PECR: variants seen among roughly 807,000 people sequenced by gnomAD.
The protein encoded by PECR is peroxisomal trans-2-enoyl-CoA reductase, also known as 2,4-dienoyl-CoA reductase-related protein.
Under a neutral mutation model 35.3 loss-of-function variants are expected in PECR, and 30 were observed. The ratio of observed to expected loss-of-function variants is 0.85; its 90% CI spans 0.64 to 1.15. PECR has a LOEUF of 1.15. Among genes scored for constraint, PECR ranks in the 50% most tolerant of loss-of-function variants. PECR has a pLI of 0.00. For synonymous variants in PECR, 148 were observed against 138.9 expected (o/e 1.07, Z -0.46); for missense variants, 392 against 370.8 (o/e 1.06, Z -0.47).
intron 6 of PECR, 62 bp downstream of exon 6, chr2:216,049,201 G>T: frequency 1.2e-6 from 1 of 849,002 alleles, no homozygotes; most frequent in South Asian, 1.3e-5. Context: ...AAATGACACT[G>T]AATTACAAAT....
At chr2:216,033,912 G>T (rs988832898), downstream of PECR, 5 of 152,124 alleles carry the variant, frequency 3.3e-5, no homozygotes, top group South Asian at 4.1e-4. Context: ...CTAGAGATTT[G>T]GCTGTCTTAA....
chr2:216,070,072 T>C (rs1398351010), intron 1 of PECR, among the ~76,000 whole-genome samples: 1 of 152,168 alleles, frequency 6.6e-6, no homozygotes, highest in Non-Finnish European at 1.5e-5. Flanking sequence ...GCTTGCTCTA[T>C]ATCATAAGGT....
chr2:216,030,994 ACT>A (rs1313160136), intron 7 of PECR, among the ~76,000 whole-genome samples: 3 of 146,576 alleles, frequency 2.0e-5, no homozygotes, highest in Non-Finnish European at 3.0e-5. Flanking sequence ...ACACACACAC[ACT>A]CTGTCCCTGC....
chr2:216,067,017 T>TG (rs1276579646), intron 1 of PECR, among the ~76,000 whole-genome samples: 5 of 152,142 alleles, frequency 3.3e-5, no homozygotes, highest in African/African-American at 1.2e-4. Flanking sequence ...TAGCACTGGA[T>TG]GGTCATCTCT....
At chr2:216,031,128 C>T (rs1475314835) in intron 7 of PECR, among the ~76,000 whole-genome samples, 1 of 151,950 alleles carries the variant, frequency 6.6e-6, no homozygotes, top group Non-Finnish European at 1.5e-5. Context: ...TTGCATAGGC[C>T]AGACATGGTG....
At chr2:216,035,678 G>T (rs779442158), downstream of PECR, among the ~76,000 whole-genome samples, 77 of 152,018 alleles carry the variant, frequency 5.1e-4, no homozygotes, top group Non-Finnish European at 8.4e-4. Context: ...ATAGAGACGG[G>T]GTTTCACCAT....
intron 4 of PECR, among the ~76,000 whole-genome samples, chr2:216,053,410 G>GT (rs1314977519): frequency 6.6e-6 from 1 of 151,692 alleles, no homozygotes; most frequent in East Asian, 1.9e-4. Context: ...TGCCCAGCTA[G>GT]TTTTTTGTAT....
chr2:216,062,045 G>A (rs1835147), intron 3 of PECR, among the ~76,000 whole-genome samples: 18,137 of 150,246 alleles, frequency 0.12, 1,661 homozygotes, highest in African/African-American at 0.24. Flanking sequence ...ATGTTAGTGC[G>A]TGGTGAATTT....
chr2:216,077,507 C>CA lies in PECR; in HGVS notation c.124+4110dup, dbSNP rs1158118603. Among the ~76,000 whole-genome samples, 296 of 138,872 alleles carry CA rather than the reference C, an allele frequency of 2.1e-3. 1 individual carries two copies. Among genetic ancestry groups the CA allele is most frequent in the African/African-American group, 6.2e-3 (231 of 37,264 alleles). The allele number at this position is 138,872 out of a possible 152,430, so 91.1% of individuals were successfully genotyped here. A position where few individuals can be genotyped will look rare whatever the true frequency, so the allele number is the denominator to read the frequency against. On this transcript the variant is annotated intron_variant, in intron 1 of 7. Coordinates refer to ENST00000265322, the MANE Select transcript of PECR (RefSeq NM_018441.6). ...GGGTGACAGAGCAAGACCTCCATCT[C>CA]AAAAAAAAATACATGCAGGGCCGGG... is the stretch of plus-strand genomic sequence containing the variant.
chr2:216,055,722 C>T (rs2105954306), intron 4 of PECR, among the ~76,000 whole-genome samples: 1 of 152,264 alleles, frequency 6.6e-6, no homozygotes, highest in East Asian at 1.9e-4. Context: ...AGCCCCAGAG[C>T]CCCAGGGCCA....
intron 1 of PECR, among the ~76,000 whole-genome samples, chr2:216,078,211 G>A (rs1037332183): frequency 3.0e-4 from 45 of 152,002 alleles, no homozygotes; most frequent in Non-Finnish European, 2.6e-4. Context: ...AGGCTGAGGC[G>A]GGCAGATCAC....
intron 3 of PECR, among the ~76,000 whole-genome samples, chr2:216,062,745 C>A (rs377633096): frequency 6.6e-5 from 10 of 152,262 alleles, no homozygotes; most frequent in Admixed American, 2.6e-4. Flanking sequence ...AGTCATGTGT[C>A]ACAACAATGT....
At chr2:216,065,211 A>C (rs1009749533) in intron 3 of PECR, 101 bp downstream of exon 3, 9 of 831,582 alleles carry the variant, frequency 1.1e-5, no homozygotes, top group Non-Finnish European at 1.7e-5. Context: ...GAGAAAATCC[A>C]GCCAATAAAT....
At chr2:216,056,194 C>G (rs1695222599) in intron 4 of PECR, among the ~76,000 whole-genome samples, 1 of 151,962 alleles carries the variant, frequency 6.6e-6, no homozygotes, top group South Asian at 2.1e-4. Flanking sequence ...CTGTACTGGT[C>G]AAGTAAACAA....
intron 1 of PECR, 143 bp downstream of exon 1, chr2:216,081,474 TG>T: frequency 1.0e-6 from 1 of 957,330 alleles, no homozygotes; most frequent in Non-Finnish European, 1.7e-6. Context: ...GTCTCCCTGG[TG>T]GTCGTAATTT....
chr2:216,056,615 G>A (rs1695229896), intron 4 of PECR, among the ~76,000 whole-genome samples: 1 of 151,554 alleles, frequency 6.6e-6, no homozygotes, highest in African/African-American at 2.4e-5. Context: ...CAGCTACTCA[G>A]GAGGCTGAGG....
chr2:216,045,644 A>T lies in PECR; in HGVS notation c.715-1629T>A, dbSNP rs191194700. The stretch of plus-strand genomic sequence containing the variant: ...GCTGGTATAGAATTCACTATTTAAA[A>T]GGTCCCACATTACTGTGAAAAGGCA... On this transcript the variant is annotated intron_variant, in intron 6 of 7. Coordinates refer to ENST00000265322, the MANE Select transcript of PECR (RefSeq NM_018441.6). Among the ~76,000 whole-genome samples the T allele has an allele frequency of 2.0e-5, 3 of 152,378 alleles. 1 individual carries two copies. The highest frequency in any genetic ancestry group is 7.2e-5 in the African/African-American group (3 of 41,596).
intron 3 of PECR, chr2:216,063,752 T>C (rs376939243): frequency 6.6e-6 from 1 of 152,158 alleles, no homozygotes; most frequent in African/African-American, 2.4e-5. Flanking sequence ...AGTCTCACTC[T>C]TGTCACCCAG....
At chr2:216,070,958 T>C (rs574866398) in intron 1 of PECR, among the ~76,000 whole-genome samples, 1 of 152,240 alleles carries the variant, frequency 6.6e-6, no homozygotes, top group African/African-American at 2.4e-5. Context: ...TCCAGCGGTA[T>C]ACTGAGTTGA....
Sources: gnomAD v4.1 joint callset for allele counts (sites outside exome capture counted in the v4.1 genomes callset) on GRCh38, gnomAD v4.1.1 for gene constraint, MANE v1.5 for transcripts, NCBI Gene and HGNC (gene_info 2026-07-23, HGNC 2026-07-21) for gene names.